Variants in DAPP1 observed in about 807,000 individuals in gnomAD.
DAPP1 encodes dual adaptor of phosphotyrosine and 3-phosphoinositides 1.
A neutral mutation model predicts 41.5 loss-of-function variants in DAPP1; 20 were observed. The ratio of observed to expected loss-of-function variants is 0.48; its 90% confidence interval spans 0.34 to 0.70. DAPP1 has a LOEUF of 0.70. Ranked by LOEUF, DAPP1 falls within the 30% of genes least tolerant of loss-of-function variation. The probability of loss-of-function intolerance (pLI) is 0.01; values close to 1 mark genes in which losing one functional copy is unlikely to be tolerated. For synonymous variants in DAPP1, 113 were observed against 116.2 expected (o/e 0.97, Z 0.18); for missense variants, 233 against 333.4 (o/e 0.70, Z 2.35).
At chr4:99,870,862 C>T (rs1185135693), downstream of DAPP1, among the ~76,000 whole-genome samples, 1 of 152,184 alleles carries the variant, frequency 6.6e-6, no homozygotes, top group Admixed American at 6.5e-5. Flanking sequence ...TGGTTCCTGA[C>T]TTACAATGAT....
intron 2 of DAPP1, among the ~76,000 whole-genome samples, chr4:99,836,594 T>C (rs991839963): frequency 2.6e-5 from 4 of 152,210 alleles, no homozygotes; most frequent in African/African-American, 9.7e-5. Flanking sequence ...GGAGAGTCAC[T>C]CTTCCCTTCA....
In DAPP1 at chr4:99,849,849, C is replaced by T. The variant is rs181501400; in HGVS notation, c.359-3369C>T. Among the ~76,000 whole-genome samples the T allele has an allele frequency of 2.1e-3, 325 of 152,144 alleles. 2 individuals carry two copies. The highest frequency in any genetic ancestry group is 3.6e-3 in the Non-Finnish European group (247 of 67,998). On this transcript the variant is annotated intron_variant, in intron 3 of 8. Transcript: ENST00000512369. ...TAGTAGGGAGCCAGAAGGGAGAGAA[C>T]CAGAAAGATGGCAGCAGGAGAAGGA...
intron 3 of DAPP1, among the ~76,000 whole-genome samples, chr4:99,843,374 G>T (rs1406715376): frequency 6.6e-6 from 1 of 152,140 alleles, no homozygotes; most frequent in African/African-American, 2.4e-5. Context: ...GACCTAAGGG[G>T]ATTAATGCTA....
chr4:99,861,932 G>A (rs556610084), intron 5 of DAPP1, among the ~76,000 whole-genome samples: 15 of 152,240 alleles, frequency 9.9e-5, no homozygotes, highest in African/African-American at 3.4e-4. Context: ...AACATCTTTC[G>A]TTCTTCTTCT....
chr4:99,866,766 ATTTTTT>A (rs11315402), intron 8 of DAPP1: 247 of 371,968 alleles, frequency 6.6e-4, no homozygotes, highest in East Asian at 2.0e-3. Context: ...CTTTTTTTCT[ATTTTTT>A]TTTTTTTTTT....
chr4:99,857,701 T>TATACACACACAC (rs776829227), intron 4 of DAPP1, among the ~76,000 whole-genome samples: 8 of 143,020 alleles, frequency 5.6e-5, no homozygotes, highest in Admixed American at 5.0e-4. Flanking sequence ...TGTATGTATA[T>TATACACACACAC]ACACACACAC....
At chr4:99,817,492 G>C (rs1722627431) in intron 1 of DAPP1, among the ~76,000 whole-genome samples, 1 of 152,194 alleles carries the variant, frequency 6.6e-6, no homozygotes, top group Admixed American at 6.5e-5. Context: ...GGAAGTTCCT[G>C]CAACAGTCTC....
At chr4:99,848,290 C>T (rs1296220992) in intron 3 of DAPP1, among the ~76,000 whole-genome samples, 3 of 150,194 alleles carry the variant, frequency 2.0e-5, no homozygotes, top group Admixed American at 6.6e-5. Context: ...TGCAGTGGCA[C>T]GATCTCGGCT....
intron 6 of DAPP1, among the ~76,000 whole-genome samples, chr4:99,863,396 G>T (rs1279730076): frequency 6.6e-6 from 1 of 152,024 alleles, no homozygotes; most frequent in Non-Finnish European, 1.5e-5. Context: ...TAAAAATACA[G>T]TTTCTCCATT....
At chr4:99,830,992 A>G (rs1469275779) in intron 1 of DAPP1, among the ~76,000 whole-genome samples, 1 of 152,242 alleles carries the variant, frequency 6.6e-6, no homozygotes, top group African/African-American at 2.4e-5. Flanking sequence ...CATTAGAACA[A>G]GCTAAATTAG....
intron 4 of DAPP1, among the ~76,000 whole-genome samples, chr4:99,859,727 C>T (rs899713295): frequency 6.6e-6 from 1 of 152,226 alleles, no homozygotes; most frequent in Admixed American, 6.5e-5. Context: ...CAGGCCACTG[C>T]TGCTCCCACC....
At position 99,830,565 on chromosome 4, in the gene DAPP1, C is replaced by G. The variant is rs569843223; in HGVS notation, c.102-5058C>G. Among the ~76,000 whole-genome samples the G allele has an allele frequency of 3.9e-5, 6 of 152,288 alleles. No individual in the cohort carries two copies. The South Asian group carries it at 1.0e-3, about 26-fold the overall frequency. Reference sequence around the variant, plus strand: ...CTCAATATCCTCCACCTTCATCTCTCACCATTCCCAACTGCTGTCCTTCAT... The same window carrying G: ...CTCAATATCCTCCACCTTCATCTCTGACCATTCCCAACTGCTGTCCTTCAT... On this transcript the variant is annotated intron_variant, in intron 1 of 8. Coordinates refer to ENST00000512369, the MANE Select transcript of DAPP1 (RefSeq NM_014395.3).
chr4:99,824,992 C>A lies in DAPP1; in HGVS notation c.101+7978C>A, dbSNP rs188966196. On this transcript the variant is annotated intron_variant, in intron 1 of 8. Transcript: ENST00000512369. ...AGTGGCTCTGTCCCTCAGGTCTGTC[C>A]AAATCTGACTTCCCTGGGTATGTTG... Among the ~76,000 whole-genome samples, 1,083 of 152,236 alleles carry A rather than the reference C, an allele frequency of 7.1e-3. 10 individuals are homozygous for A. Among genetic ancestry groups the A allele is most frequent in the Middle Eastern group, 0.02 (6 of 294 alleles).
At chr4:99,834,606 T>A (rs544073029) in intron 1 of DAPP1, among the ~76,000 whole-genome samples, 1 of 152,266 alleles carries the variant, frequency 6.6e-6, no homozygotes, top group East Asian at 1.9e-4. Flanking sequence ...CGTGAAAAGG[T>A]ACCACACTTG....
At chr4:99,852,250 G>C (rs1325873625) in intron 3 of DAPP1, among the ~76,000 whole-genome samples, 1 of 152,146 alleles carries the variant, frequency 6.6e-6, no homozygotes, top group African/African-American at 2.4e-5. Context: ...ATGAATTGCT[G>C]AATTCTTTAC....
chr4:99,861,558 T>C lies in DAPP1; in HGVS notation c.490-20T>C, dbSNP rs760408024. 1 of 1,563,718 alleles carries C rather than the reference T, an allele frequency of 6.4e-7. No individual in the cohort carries two copies. The highest frequency in any genetic ancestry group is 1.2e-5 in the South Asian group (1 of 84,776). On this transcript the variant is annotated intron_variant, in intron 4 of 8. Transcript: ENST00000512369. ...CTGTTGTGACAGTTCTGGTCTTCAC[T>C]CAGTGCTTTTCTTTTTCAGCTGGGC... is the stretch of plus-strand genomic sequence containing the variant.
chr4:99,862,572 G>A (rs950352717), intron 5 of DAPP1, among the ~76,000 whole-genome samples: 8 of 151,976 alleles, frequency 5.3e-5, no homozygotes, highest in South Asian at 2.1e-4. Context: ...ATAGTATATC[G>A]TCCATATTAG....
chr4:99,861,694 C>T (rs1724244675), intron 5 of DAPP1, 69 bp downstream of exon 5: 2 of 1,493,808 alleles, frequency 1.3e-6, no homozygotes, highest in South Asian at 1.2e-5. Flanking sequence ...ACTCAATTCT[C>T]ATCTTGATAG....
At chr4:99,852,136 A>G (rs559520156) in intron 3 of DAPP1, among the ~76,000 whole-genome samples, 1 of 152,276 alleles carries the variant, frequency 6.6e-6, no homozygotes, top group East Asian at 1.9e-4. Flanking sequence ...CTCTACCTAG[A>G]ACATAAGCTC....
Sources: allele counts gnomAD v4.1 joint callset (sites outside exome capture counted in the v4.1 genomes callset), GRCh38; gene constraint gnomAD v4.1.1; transcripts MANE v1.5; gene names NCBI Gene and HGNC (gene_info 2026-07-23, HGNC 2026-07-21).